The following PCDHGB2 variants were observed in gnomAD, a reference collection of about 807,000 sequenced individuals.
The protein encoded by PCDHGB2 is protocadherin gamma-B2.
In PCDHGB2, 55 loss-of-function variants were observed where a neutral mutation model predicts 59.3. The ratio of observed to expected loss-of-function variants is 0.93; its 90% CI spans 0.75 to 1.16. The LOEUF is 1.16. Among genes scored for constraint, PCDHGB2 ranks in the 50% most tolerant of loss-of-function variants. The pLI is 0.00. For synonymous variants in PCDHGB2, 516 were observed against 512.0 expected, an observed-to-expected ratio of 1.01 and a Z score of -0.11; for missense variants, 1,228 against 1,198.5, an observed-to-expected ratio of 1.02 and a Z score of -0.36.
intron 1 of PCDHGB2, chr5:141,403,949 G>T: frequency 1.2e-6 from 2 of 1,613,886 alleles, no homozygotes; most frequent in Non-Finnish European, 1.7e-6. Flanking sequence ...GTGGACAAAA[G>T]TGCTCATTTC....
chr5:141,461,830 CT>C (rs1030113508), intron 1 of PCDHGB2, among the ~76,000 whole-genome samples: 30 of 145,198 alleles, frequency 2.1e-4, no homozygotes, highest in Non-Finnish European at 2.4e-4. Flanking sequence ...ATTTTTTTTT[CT>C]TTTTTTTTTG....
chr5:141,376,606 A>C (rs1349467952), intron 1 of PCDHGB2: 1 of 1,502,986 alleles, frequency 6.7e-7, no homozygotes, highest in African/African-American at 1.4e-5. Context: ...TATAGAAGCG[A>C]ACCTCTTTTG....
intron 1 of PCDHGB2, among the ~76,000 whole-genome samples, chr5:141,446,777 C>CTT (rs1480571336): frequency 1.3e-5 from 2 of 152,072 alleles, no homozygotes; most frequent in Non-Finnish European, 2.9e-5. Flanking sequence ...GGTTACCATT[C>CTT]TTTTACTCTG....
intron 1 of PCDHGB2, among the ~76,000 whole-genome samples, chr5:141,455,913 T>C (rs2098837234): frequency 7.2e-6 from 1 of 138,032 alleles, no homozygotes; most frequent in African/African-American, 2.7e-5. Context: ...ATTTATTTAT[T>C]TTGAGACGGA....
chr5:141,384,870 C>T lies in PCDHGB2; in HGVS notation c.2421+22314C>T, dbSNP rs573213865. 2.6e-5 allele frequency: 42 copies of T among 1,613,806 alleles called. No homozygotes were observed. The Admixed American group carries it at 4.7e-4, about 18-fold the overall frequency. Reference sequence around the variant, plus strand: ...ACGGTCAGCCTCCTCTGTCAGCCACCGTCACACTCACCGTGGCTGTGGCTG... The same window carrying T: ...ACGGTCAGCCTCCTCTGTCAGCCACTGTCACACTCACCGTGGCTGTGGCTG... On this transcript the variant is annotated intron_variant, in intron 1 of 3. Coordinates refer to ENST00000522605, the MANE Select transcript of PCDHGB2 (RefSeq NM_018923.3).
chr5:141,391,293 A>G (rs1043661475), intron 1 of PCDHGB2: 15 of 151,834 alleles, frequency 9.9e-5, no homozygotes, highest in Admixed American at 3.3e-4. Context: ...AAAGAAGGAA[A>G]CGTCTTTCGA....
At chr5:141,436,471 A>G (rs1249793994) in intron 1 of PCDHGB2, among the ~76,000 whole-genome samples, 1 of 152,204 alleles carries the variant, frequency 6.6e-6, no homozygotes, top group Non-Finnish European at 1.5e-5. Flanking sequence ...TTTCAGATGT[A>G]TCATAGAAGG....
intron 1 of PCDHGB2, chr5:141,422,075 G>A (rs1192481253): frequency 1.9e-6 from 3 of 1,612,092 alleles, no homozygotes; most frequent in East Asian, 2.2e-5. Flanking sequence ...TATTCATTTC[G>A]GAACATGGAA....
chr5:141,409,177 T>A (rs1272833119), intron 1 of PCDHGB2: 1 of 1,613,944 alleles, frequency 6.2e-7, no homozygotes, highest in Non-Finnish European at 8.5e-7. Context: ...AGGACGGAGG[T>A]GGTCTCTCTA....
intron 1 of PCDHGB2, chr5:141,383,689 G>A (rs773858539): frequency 1.9e-6 from 3 of 1,614,036 alleles, no homozygotes; most frequent in South Asian, 1.1e-5. Flanking sequence ...ACTGCTCACG[G>A]TACATGCTAT....
chr5:141,362,761 A>G (rs1352755574), intron 1 of PCDHGB2: 3 of 639,654 alleles, frequency 4.7e-6, no homozygotes, highest in Non-Finnish European at 7.9e-6. Flanking sequence ...CCTTTATCAC[A>G]TGAGATATTG....
intron 1 of PCDHGB2, among the ~76,000 whole-genome samples, chr5:141,468,890 G>A (rs2099184679): frequency 6.6e-6 from 1 of 151,592 alleles, no homozygotes; most frequent in African/African-American, 2.4e-5. Flanking sequence ...TAATAATAAG[G>A]TACTAATATG....
At position 141,477,112 on chromosome 5, in the gene PCDHGB2, A is replaced by C. The variant is rs745449028; in HGVS notation, c.2422-17695A>C. The C allele has an allele frequency of 2.5e-6, 4 of 1,614,262 alleles. No homozygotes were observed. The South Asian group carries it at 4.4e-5, about 18-fold the overall frequency. Reference sequence around the variant, plus strand: ...CCAAAGACAAGGGCGCCAATCCCGAAGGAGCACATTGCAAAGTGTTGGTGG... The same window carrying C: ...CCAAAGACAAGGGCGCCAATCCCGACGGAGCACATTGCAAAGTGTTGGTGG... On this transcript the variant is annotated intron_variant, in intron 1 of 3. Transcript: ENST00000522605. This position sits in a 1 kb window ranked among gnomAD's most constrained non-coding sequence, Gnocchi z 4.9.
intron 1 of PCDHGB2, among the ~76,000 whole-genome samples, chr5:141,380,132 T>A (rs552082658): frequency 4.4e-4 from 67 of 152,174 alleles, no homozygotes; most frequent in African/African-American, 1.6e-3. Context: ...ACTCCTGACC[T>A]TAAGTGATCC....
At chr5:141,427,006 G>C (rs1288837425) in intron 1 of PCDHGB2, 3 of 456,792 alleles carry the variant, frequency 6.6e-6, no homozygotes, top group South Asian at 3.1e-5. Flanking sequence ...CCAGTTTTTA[G>C]CCAGGATGTA....
intron 1 of PCDHGB2, chr5:141,428,516 G>A (rs763205471): frequency 3.6e-6 from 1 of 281,256 alleles, no homozygotes; most frequent in Non-Finnish European, 7.0e-6. Context: ...TCTAGAAAAA[G>A]AAGATTTAAT....
chr5:141,422,785 T>C, intron 1 of PCDHGB2: 1 of 1,614,146 alleles, frequency 6.2e-7, no homozygotes, highest in Non-Finnish European at 8.5e-7. Flanking sequence ...TGCCCTACAA[T>C]CCTTCGACTA....
chr5:141,500,184 T>TTTTA (rs58019021), intron 2 of PCDHGB2, among the ~76,000 whole-genome samples: 28,743 of 135,782 alleles, frequency 0.21, 3,285 homozygotes, highest in African/African-American at 0.3. Context: ...TCATTTTTAT[T>TTTTA]TTTATTTATT....
chr5:141,494,678 G>A, intron 1 of PCDHGB2, 129 bp from the exon 2 acceptor site: 1 of 1,554,384 alleles, frequency 6.4e-7, no homozygotes, highest in Non-Finnish European at 8.7e-7. Flanking sequence ...GTCCACCCCT[G>A]CCCCCTCTTA....
Sources: allele counts gnomAD v4.1 joint callset (sites outside exome capture counted in the v4.1 genomes callset), GRCh38; gene constraint gnomAD v4.1.1; non-coding constraint Gnocchi (gnomAD v3.1); transcripts MANE v1.5; gene names NCBI Gene and HGNC (gene_info 2026-07-23, HGNC 2026-07-21).